GABRB1: variants seen among roughly 807,000 people sequenced by gnomAD.
GABRB1 encodes the protein gamma-aminobutyric acid receptor subunit beta-1.
In GABRB1, 17 loss-of-function variants were observed where a neutral mutation model predicts 51.6. The ratio of observed to expected loss-of-function variants is 0.33; its 90% CI spans 0.23 to 0.49. GABRB1 has a LOEUF of 0.49. Among genes scored for constraint, GABRB1 ranks in the 20% least tolerant of loss-of-function variants. The probability of loss-of-function intolerance (pLI) is 0.99; values close to 1 mark genes in which losing one functional copy is unlikely to be tolerated. For synonymous variants in GABRB1, 247 were observed against 218.9 expected (o/e 1.13, Z -1.14); for missense variants, 410 against 600.6 (o/e 0.68, Z 3.32).
rs183225485 is a variant in GABRB1, at chr4:47,394,621, G to C, written c.545-8697G>C. 4.0e-3 allele frequency among the ~76,000 whole-genome samples: 610 copies of C among 152,126 alleles called. 7 individuals are homozygous for C. Among genetic ancestry groups the C allele is most frequent in the Admixed American group, 7.2e-3 (110 of 15,282 alleles). ...ACTGTATTGCCTTGTCTCCTTAAAGGATTTTTAAAAACTAAATTGTACTTA... is the reference window on the plus strand; with the variant it reads ...ACTGTATTGCCTTGTCTCCTTAAAGCATTTTTAAAAACTAAATTGTACTTA... On this transcript the variant is annotated intron_variant, in intron 5 of 8. Transcript: ENST00000295454.
intron 3 of GABRB1, among the ~76,000 whole-genome samples, chr4:47,092,287 C>T (rs1371198238): frequency 6.7e-6 from 1 of 148,420 alleles, no homozygotes; most frequent in Non-Finnish European, 1.5e-5. Context: ...ATTCTCCTGT[C>T]TCAGCCTCCT....
chr4:47,403,147 C>CTA (rs1728455248), intron 5 of GABRB1, among the ~76,000 whole-genome samples, 171 bp from the exon 6 acceptor site: 1 of 152,192 alleles, frequency 6.6e-6, no homozygotes, highest in South Asian at 2.1e-4. Context: ...TTCAATGAAG[C>CTA]TACTAACAAA....
At chr4:47,065,133 G>A (rs1449873342) in intron 3 of GABRB1, among the ~76,000 whole-genome samples, 1 of 152,116 alleles carries the variant, frequency 6.6e-6, no homozygotes, top group African/African-American at 2.4e-5. Context: ...CCGTTCCCAT[G>A]GTTTTACCTC....
intron 5 of GABRB1, among the ~76,000 whole-genome samples, chr4:47,373,772 T>C (rs1441852296): frequency 2.0e-5 from 3 of 152,182 alleles, no homozygotes; most frequent in Non-Finnish European, 2.9e-5. Context: ...ACGTCAAGAA[T>C]TTCACAATCT....
chr4:47,106,771 A>G (rs895864060), intron 3 of GABRB1, among the ~76,000 whole-genome samples: 29 of 152,198 alleles, frequency 1.9e-4, no homozygotes, highest in Admixed American at 9.8e-4. Flanking sequence ...TTAGTCATCA[A>G]TGATTGATGA....
intron 4 of GABRB1, among the ~76,000 whole-genome samples, chr4:47,256,168 T>G (rs2109870613): frequency 6.6e-6 from 1 of 152,268 alleles, no homozygotes; most frequent in East Asian, 1.9e-4. Flanking sequence ...TACACAGGAC[T>G]TGCTGATGTA....
intron 5 of GABRB1, among the ~76,000 whole-genome samples, chr4:47,325,718 A>G (rs1416052578): frequency 6.6e-6 from 1 of 152,032 alleles, no homozygotes; most frequent in East Asian, 1.9e-4. Flanking sequence ...TCCTCTTCTC[A>G]TCCTTCAGTC....
chr4:47,194,486 A>G (rs1719567395), intron 4 of GABRB1, among the ~76,000 whole-genome samples: 1 of 151,590 alleles, frequency 6.6e-6, no homozygotes, highest in Non-Finnish European at 1.5e-5. Flanking sequence ...CTCATTCCAG[A>G]AAAAAAAGTT....
intron 5 of GABRB1, among the ~76,000 whole-genome samples, chr4:47,352,296 TCCAGGACCA>T (rs1428266538): frequency 2.6e-5 from 4 of 151,684 alleles, no homozygotes; most frequent in Non-Finnish European, 5.9e-5. Flanking sequence ...CTAAAAAGAG[TCCAGGACCA>T]GATGGATTCA....
At chr4:47,154,713 A>T (rs1717615220) in intron 3 of GABRB1, among the ~76,000 whole-genome samples, 1 of 152,108 alleles carries the variant, frequency 6.6e-6, no homozygotes, top group African/African-American at 2.4e-5. Context: ...GATCACAAGG[A>T]GCTAAAGCAC....
chr4:47,185,126 A>G (rs1281626038), intron 4 of GABRB1, among the ~76,000 whole-genome samples: 2 of 151,884 alleles, frequency 1.3e-5, no homozygotes, highest in African/African-American at 4.8e-5. Flanking sequence ...TGACATTCAG[A>G]AAAATATTAT....
Position 47,195,461 on chromosome 4 carries a change from T to TGATTGATA in GABRB1, c.461+33995_461+33996insTGATAGAT, listed in dbSNP as rs1553922639. ...ATAGATAGATGATAGATAGATTAGA[T>TGATTGATA]GATAGATAGATAGATAGATAGATAG... is the stretch of plus-strand genomic sequence containing the variant. On this transcript the variant is annotated intron_variant, in intron 4 of 8. Transcript: ENST00000295454. Among the ~76,000 whole-genome samples the TGATTGATA allele has an allele frequency of 1.1e-4, 9 of 85,408 alleles. No homozygotes were observed. The South Asian group carries it at 2.1e-3, about 20-fold the overall frequency. The allele number at this position is 85,408 out of a possible 152,430, so 56.0% of individuals were successfully genotyped here. A position where few individuals can be genotyped will look rare whatever the true frequency, so the allele number is the denominator to read the frequency against.
intron 4 of GABRB1, among the ~76,000 whole-genome samples, chr4:47,280,571 C>T (rs1037763264): frequency 1.3e-5 from 2 of 151,188 alleles, no homozygotes; most frequent in Admixed American, 6.6e-5. Context: ...AAGGTAGGTG[C>T]AATTTTGACA....
At chr4:47,255,782 C>T (rs1280279047) in intron 4 of GABRB1, among the ~76,000 whole-genome samples, 1 of 152,170 alleles carries the variant, frequency 6.6e-6, no homozygotes, top group Admixed American at 6.5e-5. Flanking sequence ...TTCCAACAAA[C>T]ATTTCATAGT....
intron 8 of GABRB1, among the ~76,000 whole-genome samples, chr4:47,408,575 G>C (rs1463036440): frequency 6.6e-6 from 1 of 152,162 alleles, no homozygotes; most frequent in African/African-American, 2.4e-5. Context: ...TATGGGGAGA[G>C]AAGTAGACAA....
Position 47,167,186 on chromosome 4 carries a change from A to G in GABRB1, c.461+5717A>G, listed in dbSNP as rs189998410. On this transcript the variant is annotated intron_variant, in intron 4 of 8. Transcript: ENST00000295454. ...ATAGTTGTCAGCTGCAACATTTTCT[A>G]TATCTACATGATGGCTTGTAACCAA... Among the ~76,000 whole-genome samples the G allele has an allele frequency of 1.4e-3, 209 of 152,208 alleles. 2 individuals carry two copies. The highest frequency in any genetic ancestry group is 4.7e-3 in the African/African-American group (197 of 41,554).
At chr4:47,089,409 C>T (rs913991205) in intron 3 of GABRB1, among the ~76,000 whole-genome samples, 7 of 152,248 alleles carry the variant, frequency 4.6e-5, no homozygotes, top group South Asian at 4.1e-4. Context: ...TTAAAGTGGT[C>T]TATGTGTCAA....
At chr4:47,324,773 T>G (rs1197521778) in intron 5 of GABRB1, among the ~76,000 whole-genome samples, 3 of 152,224 alleles carry the variant, frequency 2.0e-5, no homozygotes, top group African/African-American at 7.2e-5. Context: ...ATCTTGAGTT[T>G]AATTTGCTCA....
At chr4:47,184,994 C>T (rs1211501447) in intron 4 of GABRB1, among the ~76,000 whole-genome samples, 1 of 151,772 alleles carries the variant, frequency 6.6e-6, no homozygotes, top group East Asian at 1.9e-4. Context: ...TTATTACCTC[C>T]TAAGTGCAAC....
Sources: allele counts gnomAD v4.1 joint callset (sites outside exome capture counted in the v4.1 genomes callset), GRCh38; gene constraint gnomAD v4.1.1; transcripts MANE v1.5; gene names NCBI Gene and HGNC (gene_info 2026-07-23, HGNC 2026-07-21).